Variants in NFAM1 observed in about 807,000 individuals in gnomAD.
The protein encoded by NFAM1 is NFAT activating protein with ITAM motif 1.
NFAM1 carries 17 observed loss-of-function variants against 29.0 expected under a neutral mutation model. That is an observed-to-expected ratio of 0.59 (90% CI 0.40 to 0.88). The LOEUF (loss-of-function observed/expected upper bound fraction) is 0.88, where lower values mean the gene tolerates loss of function less well. NFAM1 is among the 40% of genes least tolerant of loss of function. The probability of loss-of-function intolerance (pLI) is 0.00; values close to 1 mark genes in which losing one functional copy is unlikely to be tolerated. For missense variants in NFAM1, 324 were observed against 344.6 expected (o/e 0.94, Z 0.47); for synonymous variants, 175 against 147.2 (o/e 1.19, Z -1.36).
chr22:42,425,759 T>C (rs540302553), intron 1 of NFAM1, among the ~76,000 whole-genome samples: 6 of 152,372 alleles, frequency 3.9e-5, no homozygotes, highest in Non-Finnish European at 8.8e-5. Context: ...CTCTCTGCAC[T>C]GTCCCTGGCT....
Position 42,396,943 on chromosome 22 carries a change from G to GTGCACCTGGGGGGCA in NFAM1, c.663+914_663+915insTGCCCCCCAGGTGCA, listed in dbSNP as rs879383370. On this transcript the variant is annotated intron_variant, in intron 4 of 5. Transcript: ENST00000329021. Reference sequence around the variant, plus strand: ...GCCAGGGGGCGTGCACCTGGGGGGCGTGCACCTGGGGAGCGTGCACCTGGG... The same window carrying GTGCACCTGGGGGGCA: ...GCCAGGGGGCGTGCACCTGGGGGGCGTGCACCTGGGGGGCATGCACCTGGGGAGCGTGCACCTGGG... Among the ~76,000 whole-genome samples the GTGCACCTGGGGGGCA allele has an allele frequency of 7.2e-4, 110 of 152,026 alleles. 1 individual carries two copies. Among genetic ancestry groups the GTGCACCTGGGGGGCA allele is most frequent in the Non-Finnish European group, 1.4e-3 (96 of 67,948 alleles).
At position 42,411,580 on chromosome 22, in the gene NFAM1, G is replaced by T. The variant is rs1306103954; in HGVS notation, c.278C>A (p.Pro93His). ...FHEDLQGQRS[P>H]KKPTNCHPGL... ...AGGGTGGCAGTTTGTTGGCTTCTTA[G>T]GGCTCCTCTGTCCCTGGAGATCTTC... The change falls in exon 2 of 6, where the codon CCT (proline) becomes CAT (histidine). Residue 93 changes from proline to histidine, a missense_variant. Physicochemically the swap from Pro to His is moderately conservative, Grantham distance 77. Transcript: ENST00000329021. 2.5e-6 allele frequency: 4 copies of T among 1,614,092 alleles called. No homozygotes were observed. Among genetic ancestry groups the T allele is most frequent in the African/African-American group, 1.3e-5 (1 of 74,936 alleles).
chr22:42,390,513 G>C (rs1929298052), intron 4 of NFAM1, among the ~76,000 whole-genome samples: 2 of 152,072 alleles, frequency 1.3e-5, no homozygotes, highest in Non-Finnish European at 2.9e-5. Context: ...TGAGGGTAGA[G>C]AGCTGAAAGA....
At chr22:42,387,186 G>C in intron 4 of NFAM1, 108 bp from the exon 5 acceptor site, 1 of 606,102 alleles carries the variant, frequency 1.6e-6, no homozygotes, top group East Asian at 3.3e-5. Flanking sequence ...GGAGCCCAGG[G>C]GAGGGTGAAG....
At chr22:42,412,244 A>G (rs893467947) in intron 1 of NFAM1, among the ~76,000 whole-genome samples, 7 of 152,030 alleles carry the variant, frequency 4.6e-5, no homozygotes, top group Non-Finnish European at 1.0e-4. Flanking sequence ...GAAAAAAAAA[A>G]AAGAAAGACA....
In NFAM1 at chr22:42,419,116, G is replaced by A. The variant is rs576980783; in HGVS notation, c.122-7380C>T. On this transcript the variant is annotated intron_variant, in intron 1 of 5. Coordinates refer to ENST00000329021, the MANE Select transcript of NFAM1 (RefSeq NM_145912.8). This position sits in a 1 kb window ranked among gnomAD's most constrained non-coding sequence, Gnocchi z 4.5. ...ACCACATGCCGAGTGAGTCCCTGGC[G>A]GGGTGTGCCCCCACGTGTTTGTGTG... is the stretch of plus-strand genomic sequence containing the variant. 5.3e-5 allele frequency among the ~76,000 whole-genome samples: 8 copies of A among 152,202 alleles called. No individual in the cohort carries two copies. The East Asian group carries it at 5.8e-4, about 11-fold the overall frequency.
Position 42,380,887 on chromosome 22 carries a change from G to A in NFAM1, c.*4274C>T. 1 of 152,614 alleles carries A rather than the reference G, an allele frequency of 6.6e-6. No homozygotes were observed. The highest frequency in any genetic ancestry group is 2.4e-5 in the African/African-American group (1 of 41,574). The allele number at this position is 152,614 out of a possible 1,614,324, so 9.5% of individuals were successfully genotyped here. On this transcript the variant is annotated 3_prime_UTR_variant, in exon 6 of 6. Coordinates refer to ENST00000329021, the MANE Select transcript of NFAM1 (RefSeq NM_145912.8). ...GTTTGTGACACTGGGTGGCCAAAGA[G>A]CACTGCCTACCCTGGCCGAGGCCAC...
At chr22:42,393,652 G>A (rs1396506381) in intron 4 of NFAM1, among the ~76,000 whole-genome samples, 1 of 148,174 alleles carries the variant, frequency 6.7e-6, no homozygotes, top group Non-Finnish European at 1.5e-5. Flanking sequence ...TCTTGACCTC[G>A]TGATCTGCCC....
chr22:42,387,032 T>G lies in NFAM1; in HGVS notation c.710A>C (p.Glu237Ala). 1 of 1,585,562 alleles carries G rather than the reference T, an allele frequency of 6.3e-7. No individual in the cohort carries two copies. The highest frequency in any genetic ancestry group is 2.4e-5 in the East Asian group (1 of 41,808). ...ETEVYACIENEDGSSPTAKQS... is the reference protein window; with the variant it reads ...ETEVYACIENADGSSPTAKQS... Reference sequence around the variant, plus strand: ...CTTGGCGGTGGGTGAGCTGCCATCCTCATTCTCGATGCAGGCATAGACCTC... The same window carrying G: ...CTTGGCGGTGGGTGAGCTGCCATCCGCATTCTCGATGCAGGCATAGACCTC... Residue 237 changes from glutamate to alanine, a missense_variant, in exon 5 of 6, where the codon GAG becomes GCG. Coordinates refer to ENST00000329021, the MANE Select transcript of NFAM1 (RefSeq NM_145912.8).
In NFAM1 at chr22:42,383,281, T is replaced by C. The variant is rs778169673; in HGVS notation, c.*1880A>G. 4 of 152,782 alleles carry C rather than the reference T, an allele frequency of 2.6e-5. No individual in the cohort carries two copies. Among genetic ancestry groups the C allele is most frequent in the Non-Finnish European group, 5.8e-5 (4 of 68,516 alleles). 9.5% of individuals were successfully genotyped at this position (152,782 alleles called of 1,614,324 possible). ...CTCTCCTGGTCTTGCTGGCTTCGGTTTTCCCAGGGGAGCTCACTGCACCCT... is the reference window on the plus strand; with the variant it reads ...CTCTCCTGGTCTTGCTGGCTTCGGTCTTCCCAGGGGAGCTCACTGCACCCT... On this transcript the variant is annotated 3_prime_UTR_variant, in exon 6 of 6. Coordinates refer to ENST00000329021, the MANE Select transcript of NFAM1 (RefSeq NM_145912.8).
chr22:42,405,837 G>A (rs771014265), intron 3 of NFAM1, among the ~76,000 whole-genome samples: 16 of 152,302 alleles, frequency 1.1e-4, no homozygotes, highest in Non-Finnish European at 2.2e-4. Flanking sequence ...GACCATTCGC[G>A]CCAGTGTCAG....
chr22:42,402,091 T>C (rs1005286), intron 3 of NFAM1, among the ~76,000 whole-genome samples: 35,805 of 151,868 alleles, frequency 0.24, 6,279 homozygotes, highest in African/African-American at 0.47. Flanking sequence ...GAAGCCAGGG[T>C]GTGGCAGCAG....
At chr22:42,398,082 C>A in intron 3 of NFAM1, 126 bp from the exon 4 acceptor site, 1 of 581,842 alleles carries the variant, frequency 1.7e-6, no homozygotes, top group African/African-American at 1.9e-5. Flanking sequence ...TCAGTCCCTC[C>A]CACTCACCCT....
At chr22:42,437,804 G>A in the NFAM1 span, among the ~76,000 whole-genome samples, 1 of 152,196 alleles carries the variant, frequency 6.6e-6, no homozygotes, top group Non-Finnish European at 1.5e-5. Context: ...GGCAGTGGGG[G>A]TTCCGGGGGG....
At chr22:42,433,410 G>A (rs1020639833), upstream of NFAM1, among the ~76,000 whole-genome samples, 1 of 152,166 alleles carries the variant, frequency 6.6e-6, no homozygotes, top group Non-Finnish European at 1.5e-5. Flanking sequence ...AGAAGACCTC[G>A]GCCCCAGGAG....
In NFAM1 at chr22:42,385,170, T is replaced by A; in HGVS notation, c.804A>T (p.Glu268Asp). 6.2e-7 allele frequency: 1 copy of A among 1,613,368 alleles called. No individual in the cohort carries two copies. The highest frequency in any genetic ancestry group is 8.5e-7 in the Non-Finnish European group (1 of 1,179,350). ...AGCGGTGGAGCCCATCCTAGAGATTTTCATAGACCAGGTTAAGTTCGCCAT... is the reference window on the plus strand; with the variant it reads ...AGCGGTGGAGCCCATCCTAGAGATTATCATAGACCAGGTTAAGTTCGCCAT... ...EDDGELNLVY[E>D]NL The change falls in exon 6 of 6, where the codon GAA becomes GAT. Residue 268 changes from glutamate (E) to aspartate (D), a missense_variant. Transcript: ENST00000329021.
intron 3 of NFAM1, among the ~76,000 whole-genome samples, chr22:42,401,327 G>T (rs1402405347): frequency 2.0e-5 from 3 of 152,260 alleles, no homozygotes; most frequent in African/African-American, 7.2e-5. Context: ...ATGAGCCACA[G>T]GCTGGCACGG....
chr22:42,387,911 C>T (rs4822123), intron 4 of NFAM1, among the ~76,000 whole-genome samples: 42,937 of 152,142 alleles, frequency 0.28, 6,589 homozygotes, highest in Middle Eastern at 0.45. Flanking sequence ...CCTGGCCTCA[C>T]GGCTCCTGCA....
At chr22:42,410,826 A>C (rs771942459) in intron 2 of NFAM1, among the ~76,000 whole-genome samples, 13 of 152,066 alleles carry the variant, frequency 8.5e-5, no homozygotes, top group Non-Finnish European at 1.8e-4. Context: ...GCACACTGAG[A>C]CCAAGGGCCC....
Sources: gnomAD v4.1 joint callset for allele counts (sites outside exome capture counted in the v4.1 genomes callset) on GRCh38, gnomAD v4.1.1 for gene constraint, Gnocchi (gnomAD v3.1) non-coding constraint, MANE v1.5 for transcripts, NCBI Gene and HGNC (gene_info 2026-07-23, HGNC 2026-07-21) for gene names.